Variants in WNT7A observed in about 807,000 individuals in gnomAD.
WNT7A encodes protein Wnt-7a.
Under a neutral mutation model 28.2 loss-of-function variants are expected in WNT7A, and 16 were observed. The ratio of observed to expected loss-of-function variants is 0.57; its 90% CI spans 0.38 to 0.86. The LOEUF (loss-of-function observed/expected upper bound fraction) is 0.86. Among genes scored for constraint, WNT7A ranks in the 40% least tolerant of loss-of-function variants. The probability of loss-of-function intolerance (pLI) is 0.00; values close to 1 mark genes in which losing one functional copy is unlikely to be tolerated. For missense variants in WNT7A, 411 were observed against 489.7 expected (o/e 0.84, Z 1.52); for synonymous variants, 190 against 195.9 (o/e 0.97, Z 0.25).
intron 3 of WNT7A, among the ~76,000 whole-genome samples, chr3:13,850,597 C>T (rs1694615963): frequency 6.6e-6 from 1 of 152,160 alleles, no homozygotes; most frequent in African/African-American, 2.4e-5. Context: ...GGGCCAGCCC[C>T]GTCCCAGCTG....
At chr3:13,878,311 G>T (rs963492157) in intron 1 of WNT7A, among the ~76,000 whole-genome samples, 4 of 152,174 alleles carry the variant, frequency 2.6e-5, no homozygotes. Context: ...AGATAAAGCC[G>T]CACGCGGCCC....
chr3:13,838,186 A>T (rs1694400309), intron 3 of WNT7A, among the ~76,000 whole-genome samples: 1 of 152,210 alleles, frequency 6.6e-6, no homozygotes, highest in South Asian at 2.1e-4. Flanking sequence ...CCAATTTCTC[A>T]GTGCTCTGAG....
At chr3:13,842,565 G>A in intron 3 of WNT7A, among the ~76,000 whole-genome samples, 1 of 152,204 alleles carries the variant, frequency 6.6e-6, no homozygotes, top group Non-Finnish European at 1.5e-5. Context: ...TAAGTTATTT[G>A]GTGACAGACT....
At chr3:13,856,679 A>G (rs9856758) in intron 2 of WNT7A, among the ~76,000 whole-genome samples, 67,724 of 151,752 alleles carry the variant, frequency 0.45, 18,401 homozygotes, top group East Asian at 0.83. Flanking sequence ...TTAGCTGGGC[A>G]TGGTGACACA....
intron 2 of WNT7A, among the ~76,000 whole-genome samples, chr3:13,873,259 C>G (rs1334399841): frequency 6.6e-6 from 1 of 152,044 alleles, no homozygotes; most frequent in Non-Finnish European, 1.5e-5. Flanking sequence ...GTCTACACAA[C>G]AAAGACCCTG....
At chr3:13,819,507 A>G in intron 3 of WNT7A, 84 bp from the exon 4 acceptor site, 2 of 1,312,142 alleles carry the variant, frequency 1.5e-6, no homozygotes, top group Non-Finnish European at 1.9e-6. Flanking sequence ...CCCGCCCCCC[A>G]CCCCTGCCCC....
At chr3:13,856,536 G>T (rs114591729) in intron 2 of WNT7A, among the ~76,000 whole-genome samples, 1 of 152,102 alleles carries the variant, frequency 6.6e-6, no homozygotes, top group African/African-American at 2.4e-5. Flanking sequence ...TCTCTGAGGG[G>T]GCCAGGCATG....
rs992204669 is a variant in WNT7A at position 13,879,948 on chromosome 3, C to A, written c.-132G>T. ...CCCCGGGGCCGTCTGTCGGTGCGCC[C>A]GTCCGCGCGCTCCGCGCCTGAGCCT... On this transcript the variant is annotated 5_prime_UTR_variant, in exon 1 of 4. Transcript: ENST00000285018. The A allele has an allele frequency of 3.3e-6, 2 of 615,340 alleles. No individual in the cohort carries two copies. The highest frequency in any genetic ancestry group is 4.8e-6 in the Non-Finnish European group (2 of 415,796). The allele number at this position is 615,340 out of a possible 1,614,324, so 38.1% of individuals were successfully genotyped here.
At chr3:13,860,581 C>T (rs554121573) in intron 2 of WNT7A, among the ~76,000 whole-genome samples, 29 of 152,288 alleles carry the variant, frequency 1.9e-4, no homozygotes, top group Non-Finnish European at 3.5e-4. Context: ...TGTCTGCTTC[C>T]TTTACTCATC....
chr3:13,853,709 T>G (rs1318512188), intron 3 of WNT7A, among the ~76,000 whole-genome samples: 8 of 152,250 alleles, frequency 5.3e-5, no homozygotes, highest in Non-Finnish European at 4.4e-5. Flanking sequence ...TGGAGCTGTG[T>G]GGCTCACAGA....
At chr3:13,873,238 G>T (rs923493031) in intron 2 of WNT7A, among the ~76,000 whole-genome samples, 1 of 152,062 alleles carries the variant, frequency 6.6e-6, no homozygotes. Context: ...GGCAGACGGT[G>T]CAAGGCAAAA....
intron 1 of WNT7A, among the ~76,000 whole-genome samples, chr3:13,879,520 G>A (rs1695174327): frequency 6.6e-6 from 1 of 152,144 alleles, no homozygotes; most frequent in African/African-American, 2.4e-5. Context: ...GGTCCTGGGG[G>A]ATTCCAGACT....
rs76335377 is a variant in WNT7A at position 13,863,966 on chromosome 3, G to A, written c.299-9163C>T. 903 of 152,282 alleles carry A rather than the reference G, an allele frequency of 5.9e-3. 3 individuals carry two copies. The highest frequency in any genetic ancestry group is 0.012 in the South Asian group (56 of 4,826). 9.4% of individuals were successfully genotyped at this position (152,282 alleles called of 1,614,324 possible). ...AGAAGTGGTGACAAATTCTACAGAG[G>A]CAGAAGCCCAGAAATGCATCAGAGT... On this transcript the variant is annotated intron_variant, in intron 2 of 3. Coordinates refer to ENST00000285018, the MANE Select transcript of WNT7A (RefSeq NM_004625.4).
intron 3 of WNT7A, among the ~76,000 whole-genome samples, chr3:13,839,843 A>C (rs1162427757): frequency 6.6e-6 from 1 of 152,220 alleles, no homozygotes; most frequent in African/African-American, 2.4e-5. Context: ...TAAACCATTG[A>C]GAGCGTGGAT....
intron 3 of WNT7A, among the ~76,000 whole-genome samples, chr3:13,824,575 T>C (rs1489285258): frequency 6.6e-6 from 1 of 152,194 alleles, no homozygotes; most frequent in Non-Finnish European, 1.5e-5. Context: ...CATCCAGCCA[T>C]GACCACAGTG....
At chr3:13,844,630 G>C (rs1033609793) in intron 3 of WNT7A, among the ~76,000 whole-genome samples, 1 of 152,230 alleles carries the variant, frequency 6.6e-6, no homozygotes. Context: ...ACCTGGGACA[G>C]AGCGAGAGCA....
At chr3:13,825,053 G>A (rs1694172529) in intron 3 of WNT7A, among the ~76,000 whole-genome samples, 1 of 152,176 alleles carries the variant, frequency 6.6e-6, no homozygotes, top group South Asian at 2.1e-4. Flanking sequence ...TTGGGAGCTT[G>A]TTTGTATGAG....
intron 1 of WNT7A, among the ~76,000 whole-genome samples, chr3:13,878,352 C>T (rs989323689): frequency 6.6e-6 from 1 of 152,220 alleles, no homozygotes; most frequent in Non-Finnish European, 1.5e-5. Context: ...ATCGGCCCTA[C>T]TGGCTTCCTG....
chr3:13,848,389 T>C (rs1275002770), intron 3 of WNT7A, among the ~76,000 whole-genome samples: 1 of 152,090 alleles, frequency 6.6e-6, no homozygotes, highest in Admixed American at 6.6e-5. Context: ...GTTAAAAAAG[T>C]AAACTACCTA....
Sources: allele counts gnomAD v4.1 joint callset (sites outside exome capture counted in the v4.1 genomes callset), GRCh38; gene constraint gnomAD v4.1.1; transcripts MANE v1.5; gene names NCBI Gene and HGNC (gene_info 2026-07-23, HGNC 2026-07-21).